ERBB4: variants seen among roughly 807,000 people sequenced by gnomAD.
ERBB4 encodes receptor tyrosine-protein kinase erbB-4.
ERBB4 carries 42 observed loss-of-function variants against 158.0 expected under a neutral mutation model. The ratio of observed to expected loss-of-function variants is 0.27; its 90% CI spans 0.21 to 0.34. The LOEUF is 0.34. Among genes scored for constraint, ERBB4 ranks in the 10% least tolerant of loss-of-function variants. The pLI is 1.00. For synonymous variants in ERBB4, 583 were observed against 558.7 expected, an observed-to-expected ratio of 1.04 and a Z score of -0.61; for missense variants, 1,333 against 1,624.1, an observed-to-expected ratio of 0.82 and a Z score of 3.08.
At chr2:212,359,176 C>T (rs1269214711) in intron 1 of ERBB4, among the ~76,000 whole-genome samples, 2 of 151,506 alleles carry the variant, frequency 1.3e-5, no homozygotes, top group Non-Finnish European at 3.0e-5. Context: ...GAATACTGTG[C>T]AATATCTTAT....
At chr2:211,407,209 T>TGG in intron 25 of ERBB4, among the ~76,000 whole-genome samples, 1 of 152,236 alleles carries the variant, frequency 6.6e-6, no homozygotes, top group African/African-American at 2.4e-5. Context: ...TATTATTATT[T>TGG]ACTCTTTGAG....
At chr2:212,366,009 A>G (rs577150969) in intron 1 of ERBB4, among the ~76,000 whole-genome samples, 1 of 152,026 alleles carries the variant, frequency 6.6e-6, no homozygotes, top group African/African-American at 2.4e-5. Flanking sequence ...GCAGATAAAT[A>G]CCTTCAAATC....
rs572949341 is a variant in ERBB4, at chr2:211,471,737, A to T, written c.2488-40637T>A. On this transcript the variant is annotated intron_variant, in intron 20 of 27. Coordinates refer to ENST00000342788, the MANE Select transcript of ERBB4 (RefSeq NM_005235.3). Reference sequence around the variant, plus strand: ...CAGTCTCCATGGAGAAGTAGGAGTTAAAAAAGTGACAAAGTTTGGTAGGAC... The same window carrying T: ...CAGTCTCCATGGAGAAGTAGGAGTTTAAAAAGTGACAAAGTTTGGTAGGAC... Among the ~76,000 whole-genome samples the T allele has an allele frequency of 3.3e-5, 5 of 152,266 alleles. No individual in the cohort carries two copies. In the South Asian group the frequency reaches 1.0e-3, roughly 32 times the overall value.
intron 1 of ERBB4, among the ~76,000 whole-genome samples, chr2:212,344,312 G>A (rs955417003): frequency 6.6e-5 from 10 of 152,100 alleles, no homozygotes; most frequent in African/African-American, 2.4e-4. Context: ...TGGCATACCA[G>A]TAGATCCCAG....
At chr2:212,533,417 C>T (rs1162086022) in intron 1 of ERBB4, among the ~76,000 whole-genome samples, 1 of 152,142 alleles carries the variant, frequency 6.6e-6, no homozygotes, top group Non-Finnish European at 1.5e-5. Flanking sequence ...CAAAGAGATG[C>T]AGTGAGTTGC....
chr2:211,666,146 T>C (rs1249750070), intron 14 of ERBB4, among the ~76,000 whole-genome samples: 1 of 152,170 alleles, frequency 6.6e-6, no homozygotes, highest in Non-Finnish European at 1.5e-5. Context: ...TAGATTTTTC[T>C]TTATTTCATA....
intron 1 of ERBB4, among the ~76,000 whole-genome samples, chr2:212,537,177 C>CTACA (rs1560585572): frequency 6.8e-6 from 1 of 146,600 alleles, no homozygotes; most frequent in East Asian, 2.0e-4. Flanking sequence ...TACAGCTAGC[C>CTACA]GTTTTCTTGG....
At chr2:212,044,778 C>G (rs751807084) in intron 2 of ERBB4, among the ~76,000 whole-genome samples, 1 of 152,118 alleles carries the variant, frequency 6.6e-6, no homozygotes, top group Non-Finnish European at 1.5e-5. Context: ...TCTTTTATGT[C>G]CCAAAGTCCT....
At chr2:211,749,548 C>T (rs1575091829) in intron 5 of ERBB4, among the ~76,000 whole-genome samples, 1 of 152,186 alleles carries the variant, frequency 6.6e-6, no homozygotes, top group East Asian at 1.9e-4. Context: ...TAATCTTTTC[C>T]ATTTCATGAA....
chr2:211,713,731 TAAAA>T, intron 7 of ERBB4, 83 bp from the exon 8 acceptor site: 1 of 792,668 alleles, frequency 1.3e-6, no homozygotes, highest in Non-Finnish European at 2.2e-6. Flanking sequence ...TTTTAGGGTT[TAAAA>T]ATGATTAGCA....
At chr2:212,157,572 T>G (rs1342621945) in intron 1 of ERBB4, among the ~76,000 whole-genome samples, 1 of 151,888 alleles carries the variant, frequency 6.6e-6, no homozygotes. Flanking sequence ...AAGACTGGGT[T>G]TTTTTGAAAC....
intron 2 of ERBB4, among the ~76,000 whole-genome samples, chr2:212,053,096 T>C (rs944747535): frequency 1.3e-5 from 2 of 152,034 alleles, no homozygotes; most frequent in African/African-American, 4.8e-5. Context: ...AACAGGAGGA[T>C]CTCTTGAGCC....
Position 211,705,400 on chromosome 2 carries a change from T to C in ERBB4, c.1125-9A>G, listed in dbSNP as rs766414002. 3.1e-6 allele frequency: 5 copies of C among 1,588,932 alleles called. No individual in the cohort carries two copies. On this transcript the variant is annotated splice_polypyrimidine_tract_variant and intron_variant, in intron 9 of 27. Coordinates refer to ENST00000342788, the MANE Select transcript of ERBB4 (RefSeq NM_005235.3). ...TTGCATTGTAAGGGTCCCTAGAAAA[T>C]CAAGAAGAGATGTAGCCAAATTTAA...
At chr2:212,184,245 C>A (rs1191028694) in intron 1 of ERBB4, among the ~76,000 whole-genome samples, 1 of 152,074 alleles carries the variant, frequency 6.6e-6, no homozygotes, top group Non-Finnish European at 1.5e-5. Flanking sequence ...CCTGAAATGA[C>A]CTGGACCTCT....
chr2:211,440,164 A>C (rs1229114688), intron 20 of ERBB4, among the ~76,000 whole-genome samples: 4 of 152,232 alleles, frequency 2.6e-5, no homozygotes, highest in Non-Finnish European at 4.4e-5. Flanking sequence ...GAGAATATCA[A>C]GCATGCTACA....
chr2:211,902,242 A>G (rs370496702), intron 3 of ERBB4, among the ~76,000 whole-genome samples: 1 of 152,270 alleles, frequency 6.6e-6, no homozygotes, highest in East Asian at 1.9e-4. Context: ...CCAATCAATG[A>G]CATTTTTATT....
chr2:212,193,255 T>C (rs963153408), intron 1 of ERBB4, among the ~76,000 whole-genome samples: 5 of 152,158 alleles, frequency 3.3e-5, no homozygotes, highest in African/African-American at 1.2e-4. Flanking sequence ...ACGGCTGAAT[T>C]GGCATTGCCC....
intron 19 of ERBB4, among the ~76,000 whole-genome samples, chr2:211,597,504 T>C (rs1192549891): frequency 6.6e-6 from 1 of 152,112 alleles, no homozygotes; most frequent in Non-Finnish European, 1.5e-5. Context: ...AACACAGCTG[T>C]CCAAAATTTA....
At chr2:211,710,441 G>A (rs2073654096) in intron 9 of ERBB4, among the ~76,000 whole-genome samples, 1 of 152,076 alleles carries the variant, frequency 6.6e-6, no homozygotes, top group Admixed American at 6.6e-5. Context: ...AAATTATGAA[G>A]AAGCACCTAA....
Sources: allele counts gnomAD v4.1 joint callset (sites outside exome capture counted in the v4.1 genomes callset), GRCh38; gene constraint gnomAD v4.1.1; transcripts MANE v1.5; gene names NCBI Gene and HGNC (gene_info 2026-07-23, HGNC 2026-07-21).